FOXL2NB: variants seen among roughly 807,000 people sequenced by gnomAD.
FOXL2NB encodes the protein FOXL2 neighbor.
In FOXL2NB, 10 loss-of-function variants were observed where a neutral mutation model predicts 7.4. That is an observed-to-expected ratio of 1.34 (90% confidence interval 0.83 to 2.28). FOXL2NB has a LOEUF of 2.28. Among genes scored for constraint, FOXL2NB ranks in the 30% most tolerant of loss-of-function variants. FOXL2NB has a pLI of 0.00. For missense variants in FOXL2NB, 228 were observed against 233.9 expected (o/e 0.97, Z 0.17); for synonymous variants, 104 against 105.3 (o/e 0.99, Z 0.08).
rs573190624 is a variant in FOXL2NB, at chr3:138,950,630, C to T, written c.*58C>T. 3.4e-5 allele frequency: 54 copies of T among 1,581,312 alleles called. 1 individual carries two copies. The South Asian group carries it at 4.5e-4, about 13-fold the overall frequency. On this transcript the variant is annotated 3_prime_UTR_variant, in exon 3 of 3. Transcript: ENST00000383165. Reference sequence around the variant, plus strand: ...GTCAGCACTCACTCCCTCCCGGCCCCTCACAGGGCCCTTTGCACCCACACC... The same window carrying T: ...GTCAGCACTCACTCCCTCCCGGCCCTTCACAGGGCCCTTTGCACCCACACC...
In FOXL2NB at chr3:138,949,906, G is replaced by C; in HGVS notation, c.220+267G>C. 1 of 693,432 alleles carries C rather than the reference G, an allele frequency of 1.4e-6. No homozygotes were observed. The highest frequency in any genetic ancestry group is 2.6e-6 in the Non-Finnish European group (1 of 381,548). 43.0% of individuals were successfully genotyped at this position (693,432 alleles called of 1,614,324 possible). A position where few individuals can be genotyped will look rare whatever the true frequency, so the allele number is the denominator to read the frequency against. ...TCTGAACAGGGCATACTGTGCCTAGGTTTTGTGGACGCCAGGGCCGGTTCC... is the reference window on the plus strand; with the variant it reads ...TCTGAACAGGGCATACTGTGCCTAGCTTTTGTGGACGCCAGGGCCGGTTCC... On this transcript the variant is annotated intron_variant, in intron 2 of 2. Coordinates refer to ENST00000383165, the MANE Select transcript of FOXL2NB (RefSeq NM_001040061.3). The surrounding 1 kb of genome is among the most constrained non-coding windows in gnomAD (Gnocchi z 4.5).
At position 138,949,651 on chromosome 3, in the gene FOXL2NB, C is replaced by T; in HGVS notation, c.220+12C>T. 6.2e-7 allele frequency: 1 copy of T among 1,613,988 alleles called. No homozygotes were observed. The highest frequency in any genetic ancestry group is 1.1e-5 in the South Asian group (1 of 91,080). ...GGCTCAGAAAACAGGCAAGAAAATG[C>T]GGGCGGGAAAGCTGGCAGAATGATT... On this transcript the variant is annotated intron_variant, in intron 2 of 2. Coordinates refer to ENST00000383165, the MANE Select transcript of FOXL2NB (RefSeq NM_001040061.3). This position sits in a 1 kb window ranked among gnomAD's most constrained non-coding sequence, Gnocchi z 4.5.
chr3:138,949,399 T>G lies in FOXL2NB; in HGVS notation c.101-121T>G. On this transcript the variant is annotated intron_variant, in intron 1 of 2. Coordinates refer to ENST00000383165, the MANE Select transcript of FOXL2NB (RefSeq NM_001040061.3). This position sits in a 1 kb window ranked among gnomAD's most constrained non-coding sequence, Gnocchi z 4.5. ...GTGTGTGTATGCATGTGCGTGTGTG[T>G]GTGTGTGTGTGTGTGTGTAGGGGTT... 1 of 1,073,610 alleles carries G rather than the reference T, an allele frequency of 9.3e-7. No individual in the cohort carries two copies. The highest frequency in any genetic ancestry group is 1.4e-6 in the Non-Finnish European group (1 of 739,550). The allele number at this position is 1,073,610 out of a possible 1,614,324, so 66.5% of individuals were successfully genotyped here. A position where few individuals can be genotyped will look rare whatever the true frequency, so the allele number is the denominator to read the frequency against.
rs746781350 is a variant in FOXL2NB at position 138,949,517 on chromosome 3, C to G, written c.101-3C>G. 3 of 1,614,042 alleles carry G rather than the reference C, an allele frequency of 1.9e-6. No individual in the cohort carries two copies. The highest frequency in any genetic ancestry group is 2.5e-6 in the Non-Finnish European group (3 of 1,180,004). The stretch of plus-strand genomic sequence containing the variant: ...GATTTCTGACTGTCCCGTAGAGGAA[C>G]AGAATCCCCAGCCCTGGTGAAGAAG... On this transcript the variant is annotated splice_polypyrimidine_tract_variant and splice_region_variant and intron_variant, in intron 1 of 2. Transcript: ENST00000383165. The surrounding 1 kb of genome is among the most constrained non-coding windows in gnomAD (Gnocchi z 4.5).
chr3:138,947,514 T>G lies in FOXL2NB; in HGVS notation c.100+50T>G. 2 of 1,512,724 alleles carry G rather than the reference T, an allele frequency of 1.3e-6. No individual in the cohort carries two copies. The highest frequency in any genetic ancestry group is 2.5e-5 in the East Asian group (1 of 39,630). The allele number at this position is 1,512,724 out of a possible 1,614,324, so 93.7% of individuals were successfully genotyped here. A position where few individuals can be genotyped will look rare whatever the true frequency, so the allele number is the denominator to read the frequency against. ...CTGCCGTTTGCTGCCGTCTTGAGGC[T>G]GAACTTCTAGCTCGGGGCTGGGGAG... On this transcript the variant is annotated intron_variant, in intron 1 of 2. Coordinates refer to ENST00000383165, the MANE Select transcript of FOXL2NB (RefSeq NM_001040061.3). This position sits in a 1 kb window ranked among gnomAD's most constrained non-coding sequence, Gnocchi z 5.2.
chr3:138,950,101 G>C (rs1262037149), intron 2 of FOXL2NB, 164 bp from the exon 3 acceptor site: 1 of 800,208 alleles, frequency 1.2e-6, no homozygotes, highest in African/African-American at 1.7e-5. Context: ...CCTCCTGACC[G>C]TGGTCCCACC....
rs1212204853 is a variant in FOXL2NB, at chr3:138,949,042, C to T, written c.101-478C>T. Among the ~76,000 whole-genome samples, 1 of 152,202 alleles carries T rather than the reference C, an allele frequency of 6.6e-6. No homozygotes were observed. The highest frequency in any genetic ancestry group is 6.5e-5 in the Admixed American group (1 of 15,278). ...TGTTTTTCTTCTTCCTTACCCCCAT[C>T]CTTGCCCAAGCTTTGGGTGGGAGTG... On this transcript the variant is annotated intron_variant, in intron 1 of 2. Transcript: ENST00000383165. This position sits in a 1 kb window ranked among gnomAD's most constrained non-coding sequence, Gnocchi z 4.5.
At position 138,953,958 on chromosome 3, in the gene FOXL2NB, A is replaced by G. The variant is rs1359009186; in HGVS notation, c.*3386A>G. Reference sequence around the variant, plus strand: ...GGACATTTGTTTCCAGTTTTTGGATATCATAAATAAAGCTGCTGTGCACAT... The same window carrying G: ...GGACATTTGTTTCCAGTTTTTGGATGTCATAAATAAAGCTGCTGTGCACAT... On this transcript the variant is annotated 3_prime_UTR_variant, in exon 3 of 3. Coordinates refer to ENST00000383165, the MANE Select transcript of FOXL2NB (RefSeq NM_001040061.3). Among the ~76,000 whole-genome samples the G allele has an allele frequency of 6.6e-6, 1 of 152,232 alleles. No homozygotes were observed. The highest frequency in any genetic ancestry group is 2.4e-5 in the African/African-American group (1 of 41,458).
rs1576471165 is a variant in FOXL2NB at position 138,947,900 on chromosome 3, C to T, written c.100+436C>T. Reference sequence around the variant, plus strand: ...GGCGGGGCTGTTGCCCGGGACTTTGCGGGACTGTGTATGTGTGTGCACAGG... The same window carrying T: ...GGCGGGGCTGTTGCCCGGGACTTTGTGGGACTGTGTATGTGTGTGCACAGG... On this transcript the variant is annotated intron_variant, in intron 1 of 2. Coordinates refer to ENST00000383165, the MANE Select transcript of FOXL2NB (RefSeq NM_001040061.3). The surrounding 1 kb of genome is among the most constrained non-coding windows in gnomAD (Gnocchi z 5.2). The T allele has an allele frequency of 2.0e-6, 2 of 997,092 alleles. No individual in the cohort carries two copies. Among genetic ancestry groups the T allele is most frequent in the South Asian group, 4.4e-5 (1 of 22,554 alleles). The allele number at this position is 997,092 out of a possible 1,614,324, so 61.8% of individuals were successfully genotyped here.
Position 138,947,274 on chromosome 3 carries a change from C to T in FOXL2NB, c.-91C>T, listed in dbSNP as rs1249809615. 1 of 1,043,658 alleles carries T rather than the reference C, an allele frequency of 9.6e-7. No individual in the cohort carries two copies. The highest frequency in any genetic ancestry group is 1.4e-6 in the Non-Finnish European group (1 of 711,238). The allele number at this position is 1,043,658 out of a possible 1,614,324, so 64.6% of individuals were successfully genotyped here. ...CCCGCACAGCCTGGACCGGCCTGCC[C>T]CCGCCCAGCGAGCCTCAGGGGCCCA... is the stretch of plus-strand genomic sequence containing the variant. On this transcript the variant is annotated 5_prime_UTR_variant, in exon 1 of 3. Transcript: ENST00000383165. This position sits in a 1 kb window ranked among gnomAD's most constrained non-coding sequence, Gnocchi z 5.2.
In FOXL2NB at chr3:138,947,703, T is replaced by C; in HGVS notation, c.100+239T>C. 1 of 1,259,242 alleles carries C rather than the reference T, an allele frequency of 7.9e-7. No homozygotes were observed. Among genetic ancestry groups the C allele is most frequent in the South Asian group, 2.6e-5 (1 of 39,148 alleles). The allele number at this position is 1,259,242 out of a possible 1,614,324, so 78.0% of individuals were successfully genotyped here. A position where few individuals can be genotyped will look rare whatever the true frequency, so the allele number is the denominator to read the frequency against. ...GGCTGGAATGGGGCAGGGGAGAGGA[T>C]CTCTGGAAATAGTCGTCAGGGGCGC... On this transcript the variant is annotated intron_variant, in intron 1 of 2. Transcript: ENST00000383165. The surrounding 1 kb of genome is among the most constrained non-coding windows in gnomAD (Gnocchi z 5.2).
Position 138,947,428 on chromosome 3 carries a change from C to A in FOXL2NB, c.64C>A (p.Arg22=), listed in dbSNP as rs1936009821. ...RPKPRKLGPQ[R]GKALQASSRL... is the part of the protein sequence containing the mutation. ...AAAGCCCAGGAAGCTCGGGCCCCAG[C>A]GAGGAAAGGCGCTCCAAGCCTCCTC... Residue 22 remains arginine, a synonymous_variant, in exon 1 of 3, where the codon CGA becomes AGA. Transcript: ENST00000383165. The surrounding 1 kb of genome is among the most constrained non-coding windows in gnomAD (Gnocchi z 5.2). The A allele has an allele frequency of 1.3e-6, 2 of 1,547,238 alleles. No individual in the cohort carries two copies. Among genetic ancestry groups the A allele is most frequent in the Admixed American group, 2.0e-5 (1 of 50,888 alleles).
Position 138,947,264 on chromosome 3 carries a change from C to A in FOXL2NB, c.-101C>A. The A allele has an allele frequency of 1.1e-6, 1 of 926,900 alleles. No homozygotes were observed. Among genetic ancestry groups the A allele is most frequent in the Non-Finnish European group, 1.6e-6 (1 of 611,334 alleles). The allele number at this position is 926,900 out of a possible 1,614,324, so 57.4% of individuals were successfully genotyped here. On this transcript the variant is annotated 5_prime_UTR_variant, in exon 1 of 3. Transcript: ENST00000383165. The surrounding 1 kb of genome is among the most constrained non-coding windows in gnomAD (Gnocchi z 5.2). ...TTGTAAACGCCCCGCACAGCCTGGA[C>A]CGGCCTGCCCCCGCCCAGCGAGCCT... is the stretch of plus-strand genomic sequence containing the variant.
At position 138,952,346 on chromosome 3, in the gene FOXL2NB, A is replaced by G. The variant is rs935244360; in HGVS notation, c.*1774A>G. ...ATAGGCAACTGCCATGGAGGAAGGCAGTTTTAGATGCCTAGCTGGCACAAA... is the reference window on the plus strand; with the variant it reads ...ATAGGCAACTGCCATGGAGGAAGGCGGTTTTAGATGCCTAGCTGGCACAAA... On this transcript the variant is annotated 3_prime_UTR_variant, in exon 3 of 3. Coordinates refer to ENST00000383165, the MANE Select transcript of FOXL2NB (RefSeq NM_001040061.3). 2.6e-5 allele frequency: 4 copies of G among 152,186 alleles called. No individual in the cohort carries two copies. Among genetic ancestry groups the G allele is most frequent in the African/African-American group, 9.7e-5 (4 of 41,444 alleles). 9.4% of individuals were successfully genotyped at this position (152,186 alleles called of 1,614,324 possible). A position where few individuals can be genotyped will look rare whatever the true frequency, so the allele number is the denominator to read the frequency against.
At chr3:138,948,057 C>T in intron 1 of FOXL2NB, 1 of 822,864 alleles carries the variant, frequency 1.2e-6, no homozygotes, top group Non-Finnish European at 1.5e-6. Context: ...GTAAAACACA[C>T]TTATACTGAT....
At chr3:138,950,092 C>T in intron 2 of FOXL2NB, 173 bp from the exon 3 acceptor site, 1 of 768,846 alleles carries the variant, frequency 1.3e-6, no homozygotes. Context: ...CCACCGGCGC[C>T]TCCTGACCGT....
Position 138,950,753 on chromosome 3 carries a change from C to G in FOXL2NB, c.*181C>G, listed in dbSNP as rs1936116165. The stretch of plus-strand genomic sequence containing the variant: ...TCCAAATCCCCTCTAGTTCTCCCTC[C>G]CCTCCTACTTCTCTCACACTCACCA... On this transcript the variant is annotated 3_prime_UTR_variant, in exon 3 of 3. Coordinates refer to ENST00000383165, the MANE Select transcript of FOXL2NB (RefSeq NM_001040061.3). 1.6e-6 allele frequency: 1 copy of G among 636,360 alleles called. No homozygotes were observed. The highest frequency in any genetic ancestry group is 2.7e-6 in the Non-Finnish European group (1 of 372,426). The allele number at this position is 636,360 out of a possible 1,614,324, so 39.4% of individuals were successfully genotyped here. A position where few individuals can be genotyped will look rare whatever the true frequency, so the allele number is the denominator to read the frequency against.
rs1427168707 is a variant in FOXL2NB at position 138,947,944 on chromosome 3, T to C, written c.100+480T>C. On this transcript the variant is annotated intron_variant, in intron 1 of 2. Transcript: ENST00000383165. The surrounding 1 kb of genome is among the most constrained non-coding windows in gnomAD (Gnocchi z 5.2). Reference sequence around the variant, plus strand: ...GCACAGGGGTCACATATGGAAGTCATGGAGAGGAGCTGTCCTTGAGATGGG... The same window carrying C: ...GCACAGGGGTCACATATGGAAGTCACGGAGAGGAGCTGTCCTTGAGATGGG... 1 of 986,560 alleles carries C rather than the reference T, an allele frequency of 1.0e-6. No individual in the cohort carries two copies. The highest frequency in any genetic ancestry group is 1.2e-6 in the Non-Finnish European group (1 of 830,790). 61.1% of individuals were successfully genotyped at this position (986,560 alleles called of 1,614,324 possible). A position where few individuals can be genotyped will look rare whatever the true frequency, so the allele number is the denominator to read the frequency against.
At chr3:138,950,016 G>A in intron 2 of FOXL2NB, 1 of 703,618 alleles carries the variant, frequency 1.4e-6, no homozygotes, top group Non-Finnish European at 2.6e-6. Context: ...CCAGGGTGGT[G>A]GGCTGGGCAG....
Sources: gnomAD v4.1 joint callset for allele counts (sites outside exome capture counted in the v4.1 genomes callset) on GRCh38, gnomAD v4.1.1 for gene constraint, Gnocchi (gnomAD v3.1) non-coding constraint, MANE v1.5 for transcripts, NCBI Gene and HGNC (gene_info 2026-07-23, HGNC 2026-07-21) for gene names.